Variants in PIR observed in about 807,000 individuals in gnomAD.
PIR encodes pirin (iron-binding nuclear protein).
A neutral mutation model predicts 24.2 loss-of-function variants in PIR; 22 were observed. The ratio of observed to expected loss-of-function variants is 0.91; its 90% CI spans 0.65 to 1.30. The LOEUF is 1.30. Ranked by LOEUF, PIR falls within the 50% of genes most tolerant of loss-of-function variation. PIR has a pLI of 0.00. For synonymous variants in PIR, 80 were observed against 79.6 expected, an observed-to-expected ratio of 1.00 and a Z score of -0.03; for missense variants, 220 against 220.3, an observed-to-expected ratio of 1.00 and a Z score of 0.01.
At chrX:15,461,822 A>G (rs1049303500) in intron 3 of PIR, among the ~76,000 whole-genome samples, 2 of 112,445 alleles carry the variant, frequency 1.8e-5, no homozygotes, top group Non-Finnish European at 3.8e-5. Context: ...AACAAAAAAA[A>G]TTAAATAAAA....
intron 3 of PIR, among the ~76,000 whole-genome samples, chrX:15,474,370 GTCTA>G (rs762307273): frequency 8.9e-6 from 1 of 112,076 alleles, no homozygotes; most frequent in Admixed American, 9.4e-5. Flanking sequence ...TTTCAATATT[GTCTA>G]TCTATTAATT....
chrX:15,404,377 C>T (rs1188113428), intron 7 of PIR, among the ~76,000 whole-genome samples: 2 of 112,285 alleles, frequency 1.8e-5, no homozygotes, highest in Non-Finnish European at 3.8e-5. Context: ...TAAGCACTTC[C>T]TGTAATCAGT....
chrX:15,433,961 AAGG>A (rs1419470975), intron 5 of PIR, among the ~76,000 whole-genome samples: 1 of 55,679 alleles, frequency 1.8e-5, no homozygotes. Context: ...AAGGAGAAAG[AAGG>A]AGGAGGAGGA....
intron 6 of PIR, 54 bp from the exon 7 acceptor site, chrX:15,407,604 A>G: frequency 1.2e-6 from 1 of 864,603 alleles, no homozygotes; most frequent in Non-Finnish European, 1.7e-6. Context: ...CAAAAGGAAC[A>G]AAGACATATA....
At chrX:15,452,675 T>G (rs182611555) in intron 5 of PIR, among the ~76,000 whole-genome samples, 289 of 112,186 alleles carry the variant, frequency 2.6e-3, no homozygotes, top group African/African-American at 8.0e-3. Context: ...TAAACTCCTG[T>G]GTCTTGGATC....
intron 8 of PIR, among the ~76,000 whole-genome samples, chrX:15,393,288 C>T (rs1166350600): frequency 1.8e-5 from 2 of 112,005 alleles, no homozygotes; most frequent in Admixed American, 9.5e-5. Flanking sequence ...AGATATGTCT[C>T]GAGTTCTGCT....
intron 5 of PIR, among the ~76,000 whole-genome samples, chrX:15,440,079 A>G (rs965482067): frequency 1.8e-5 from 2 of 110,491 alleles, no homozygotes; most frequent in African/African-American, 6.6e-5. Context: ...TCATACATCC[A>G]TGGGCACCCC....
At chrX:15,480,713 A>G (rs1308465607) in intron 2 of PIR, among the ~76,000 whole-genome samples, 1 of 112,381 alleles carries the variant, frequency 8.9e-6, no homozygotes, top group Non-Finnish European at 1.9e-5. Flanking sequence ...GTAGAAAAGC[A>G]GAAAAACAGC....
intron 5 of PIR, among the ~76,000 whole-genome samples, chrX:15,435,208 GAGAAAGAAAAGAAA>G (rs1410568945): frequency 4.1e-4 from 43 of 105,041 alleles, no homozygotes; most frequent in Admixed American, 1.0e-3. Flanking sequence ...AAAAGAAAAA[GAGAAAGAAAAGAAA>G]AGAAAGAAAA....
rs145071848 is a variant in PIR at position 15,421,327 on chromosome X, A to C, written c.565+4579T>G. 3.1e-3 allele frequency among the ~76,000 whole-genome samples: 351 copies of C among 112,138 alleles called. 3 individuals carry two copies. The highest frequency in any genetic ancestry group is 4.7e-3 in the Non-Finnish European group (251 of 53,220). On this transcript the variant is annotated intron_variant, in intron 6 of 9. Coordinates refer to ENST00000380420, the MANE Select transcript of PIR (RefSeq NM_001018109.3). ...AGTAGAAGTAAATGAAATTGAGACA[A>C]AAAAATACAGAAGATCAATGAAGTG...
intron 7 of PIR, among the ~76,000 whole-genome samples, chrX:15,405,353 T>C (rs1924520792): frequency 8.9e-6 from 1 of 112,451 alleles, no homozygotes; most frequent in Admixed American, 9.4e-5. Flanking sequence ...AATGAAGTTT[T>C]ATTGGAATAG....
At chrX:15,422,568 A>AT (rs773119930) in intron 6 of PIR, among the ~76,000 whole-genome samples, 1 of 111,176 alleles carries the variant, frequency 9.0e-6, no homozygotes, top group East Asian at 2.8e-4. Flanking sequence ...AAGCAATCCT[A>AT]TTTACAATGG....
chrX:15,403,111 T>C (rs962415508), intron 7 of PIR, among the ~76,000 whole-genome samples: 3 of 110,885 alleles, frequency 2.7e-5, no homozygotes, highest in African/African-American at 9.9e-5. Flanking sequence ...ATTCAGTTAG[T>C]TGGATAAATG....
At chrX:15,404,487 A>G (rs1014913134) in intron 7 of PIR, among the ~76,000 whole-genome samples, 9 of 112,092 alleles carry the variant, frequency 8.0e-5, no homozygotes, top group African/African-American at 2.9e-4. Flanking sequence ...CCGATACACC[A>G]AGTATATATA....
intron 1 of PIR, among the ~76,000 whole-genome samples, chrX:15,491,783 G>A (rs1474634059): frequency 9.0e-6 from 1 of 111,105 alleles, no homozygotes; most frequent in Non-Finnish European, 1.9e-5. Context: ...ATGCTGTATG[G>A]GTTTGTAGCC....
chrX:15,491,335 A>AT (rs2147093878), intron 1 of PIR, 26 bp from the exon 2 acceptor site: 1 of 632,645 alleles, frequency 1.6e-6, no homozygotes, highest in East Asian at 3.4e-5. Context: ...CAAAAAAAAA[A>AT]GAAGTCATAA....
chrX:15,397,244 G>T (rs1924194245), intron 8 of PIR, among the ~76,000 whole-genome samples: 1 of 111,984 alleles, frequency 8.9e-6, no homozygotes, highest in African/African-American at 3.2e-5. Context: ...TATGATTTCT[G>T]AAGATAAAGA....
chrX:15,481,639 C>T (rs1178167890), intron 2 of PIR, among the ~76,000 whole-genome samples: 1 of 111,735 alleles, frequency 8.9e-6, no homozygotes, highest in Non-Finnish European at 1.9e-5. Context: ...CTGCAAACAG[C>T]ATTTACACAT....
chrX:15,433,645 G>A (rs191734145), intron 5 of PIR, among the ~76,000 whole-genome samples: 1,236 of 94,261 alleles, frequency 0.013, 31 homozygotes, highest in African/African-American at 0.046. Flanking sequence ...AAAGAAGGAG[G>A]AAGAAGAGGA....
Sources: allele counts gnomAD v4.1 joint callset (sites outside exome capture counted in the v4.1 genomes callset), GRCh38; gene constraint gnomAD v4.1.1; transcripts MANE v1.5; gene names NCBI Gene and HGNC (gene_info 2026-07-23, HGNC 2026-07-21).